SERINC5: variants seen among roughly 807,000 people sequenced by gnomAD.
SERINC5 encodes the protein serine incorporator 5, also known as chromosome 5 open reading frame 12.
Under a neutral mutation model 63.1 loss-of-function variants are expected in SERINC5, and 41 were observed. The observed-to-expected ratio is 0.65, with a 90% CI of 0.51 to 0.84. The LOEUF is 0.84. Ranked by LOEUF, SERINC5 falls within the 40% of genes least tolerant of loss-of-function variation. The pLI is 0.00. For synonymous variants in SERINC5, 222 were observed against 215.2 expected, an observed-to-expected ratio of 1.03 and a Z score of -0.28; for missense variants, 523 against 573.0, an observed-to-expected ratio of 0.91 and a Z score of 0.89.
chr5:80,223,847 C>T (rs1451383022), intron 1 of SERINC5, among the ~76,000 whole-genome samples: 3 of 151,982 alleles, frequency 2.0e-5, no homozygotes, highest in Non-Finnish European at 2.9e-5. Context: ...AAAGTCAAGC[C>T]GGGCGCGGTG....
chr5:80,223,517 T>A (rs1334436106), intron 1 of SERINC5, among the ~76,000 whole-genome samples: 1 of 152,216 alleles, frequency 6.6e-6, no homozygotes, highest in Non-Finnish European at 1.5e-5. Context: ...ACTATATATA[T>A]CATCATATTC....
chr5:80,225,688 A>G (rs1021110500), intron 1 of SERINC5, among the ~76,000 whole-genome samples: 9 of 152,180 alleles, frequency 5.9e-5, no homozygotes, highest in Non-Finnish European at 1.0e-4. Context: ...TACTGCCTTA[A>G]AAGAGTAGGG....
rs565243647 is a variant in SERINC5, at chr5:80,159,259, T to G, written c.860-297A>C. On this transcript the variant is annotated intron_variant, in intron 7 of 11. Transcript: ENST00000507668. ...GGAAAGAGTCTTGCTCGAAGTCAGGTGCATTTTTCAGTTGACAAGGCAGCC... is the reference window on the plus strand; with the variant it reads ...GGAAAGAGTCTTGCTCGAAGTCAGGGGCATTTTTCAGTTGACAAGGCAGCC... Among the ~76,000 whole-genome samples, 458 of 152,222 alleles carry G rather than the reference T, an allele frequency of 3.0e-3. 2 individuals carry two copies. Among genetic ancestry groups the G allele is most frequent in the African/African-American group, 0.011 (443 of 41,536 alleles).
chr5:80,140,622 G>A lies in SERINC5; in HGVS notation c.*3041C>T. On this transcript the variant is annotated 3_prime_UTR_variant, in exon 12 of 12. Transcript: ENST00000507668. ...TAACCAATCAGTATTTAAAAAGCTA[G>A]ACACAGTAAAGACGTGGTTGGGTTT... 1 of 985,266 alleles carries A rather than the reference G, an allele frequency of 1.0e-6. No homozygotes were observed. The highest frequency in any genetic ancestry group is 1.2e-6 in the Non-Finnish European group (1 of 829,900). 61.0% of individuals were successfully genotyped at this position (985,266 alleles called of 1,614,324 possible).
At chr5:80,200,699 A>G (rs1357125699) in intron 2 of SERINC5, among the ~76,000 whole-genome samples, 3 of 152,208 alleles carry the variant, frequency 2.0e-5, no homozygotes, top group Admixed American at 2.0e-4. Context: ...TAAAAGCACT[A>G]TGCAACAGAA....
intron 1 of SERINC5, among the ~76,000 whole-genome samples, chr5:80,227,632 T>C (rs944654703): frequency 2.0e-5 from 3 of 147,914 alleles, no homozygotes; most frequent in African/African-American, 7.4e-5. Context: ...ATCGCATGTG[T>C]AGATGTTTAT....
Position 80,138,834 on chromosome 5 carries a change from CAACT to C in SERINC5, c.*4825_*4828del, listed in dbSNP as rs1055819315. 10 of 983,904 alleles carry C rather than the reference CAACT, an allele frequency of 1.0e-5. No individual in the cohort carries two copies. Among genetic ancestry groups the C allele is most frequent in the Admixed American group, 6.1e-5 (1 of 16,262 alleles). 60.9% of individuals were successfully genotyped at this position (983,904 alleles called of 1,614,324 possible). Reference sequence around the variant, plus strand: ...ATCTGAAGGCAACATCTCTGCAAAACAACTAACTTGAGTACTTTAATTATATATG... The same window carrying C: ...ATCTGAAGGCAACATCTCTGCAAAACAACTTGAGTACTTTAATTATATATG... On this transcript the variant is annotated 3_prime_UTR_variant, in exon 12 of 12. Coordinates refer to ENST00000507668, the MANE Select transcript of SERINC5 (RefSeq NM_001174072.3).
At chr5:80,138,263 C>T (rs1017163166), downstream of SERINC5, among the ~76,000 whole-genome samples, 2 of 152,002 alleles carry the variant, frequency 1.3e-5, no homozygotes, top group Non-Finnish European at 2.9e-5. Flanking sequence ...CTGTGTAACA[C>T]GGTGACTAGA....
intron 9 of SERINC5, among the ~76,000 whole-genome samples, chr5:80,150,102 C>A (rs1299807166): frequency 6.6e-6 from 1 of 152,240 alleles, no homozygotes. Flanking sequence ...CAACGTTCAA[C>A]AGCGTCAGGC....
downstream of SERINC5, among the ~76,000 whole-genome samples, chr5:80,137,641 T>C (rs1397351867): frequency 3.6e-4 from 11 of 30,910 alleles, no homozygotes; most frequent in African/African-American, 8.6e-4. Context: ...AGACTCTAAC[T>C]CAAAAAAAAA....
chr5:80,235,823 A>G (rs947175189), intron 1 of SERINC5, among the ~76,000 whole-genome samples: 1 of 152,120 alleles, frequency 6.6e-6, no homozygotes, highest in Non-Finnish European at 1.5e-5. Context: ...TGGCATTTGC[A>G]TTTTTTCCTA....
At chr5:80,137,164 C>CAA (rs796274001), downstream of SERINC5, among the ~76,000 whole-genome samples, 14 of 79,080 alleles carry the variant, frequency 1.8e-4, no homozygotes, top group African/African-American at 5.3e-4. Flanking sequence ...AAAAAAAAAA[C>CAA]AAAAAAAACA....
chr5:80,201,822 CAAGTAACCTGT>C (rs1749855209), intron 2 of SERINC5, among the ~76,000 whole-genome samples: 1 of 152,212 alleles, frequency 6.6e-6, no homozygotes, highest in Admixed American at 6.5e-5. Flanking sequence ...ACTCACCCTA[CAAGTAACCTGT>C]CCAGAAAGGT....
intron 1 of SERINC5, among the ~76,000 whole-genome samples, chr5:80,224,605 G>T (rs1283562580): frequency 3.3e-5 from 5 of 152,118 alleles, no homozygotes; most frequent in Non-Finnish European, 7.4e-5. Context: ...AGAAGCAACA[G>T]CTCTTGAAAA....
intron 7 of SERINC5, among the ~76,000 whole-genome samples, chr5:80,161,048 A>ATATG (rs1554061929): frequency 6.7e-6 from 1 of 149,628 alleles, no homozygotes; most frequent in African/African-American, 2.5e-5. Context: ...ATATATATAT[A>ATATG]TGTATGTATG....
intron 2 of SERINC5, among the ~76,000 whole-genome samples, chr5:80,199,716 CTATT>C (rs1749715449): frequency 6.6e-6 from 1 of 152,140 alleles, no homozygotes; most frequent in Non-Finnish European, 1.5e-5. Flanking sequence ...GGGATACTAT[CTATT>C]TGTTTAGTAA....
intron 1 of SERINC5, among the ~76,000 whole-genome samples, chr5:80,214,423 C>T (rs1313985062): frequency 6.6e-6 from 1 of 152,106 alleles, no homozygotes. Flanking sequence ...ACAAAACATT[C>T]CTGTTCCACC....
intron 2 of SERINC5, among the ~76,000 whole-genome samples, chr5:80,183,923 A>T (rs1018020629): frequency 6.6e-6 from 1 of 152,226 alleles, no homozygotes; most frequent in Non-Finnish European, 1.5e-5. Context: ...CAGGCGGGTA[A>T]TGAGAAGTCA....
chr5:80,122,211 AT>A (rs1744571772), intron 11 of SERINC5, among the ~76,000 whole-genome samples: 8 of 147,492 alleles, frequency 5.4e-5, no homozygotes, highest in Non-Finnish European at 1.5e-5. Context: ...ATATATATAT[AT>A]AATATGAGTT....
Sources: gnomAD v4.1 joint callset for allele counts (sites outside exome capture counted in the v4.1 genomes callset) on GRCh38, gnomAD v4.1.1 for gene constraint, MANE v1.5 for transcripts, NCBI Gene and HGNC (gene_info 2026-07-23, HGNC 2026-07-21) for gene names.